Variants in DNAJB1 observed in about 807,000 individuals in gnomAD.
The protein encoded by DNAJB1 is dnaJ homolog subfamily B member 1.
Under a neutral mutation model 24.0 loss-of-function variants are expected in DNAJB1, and 14 were observed. The observed-to-expected ratio is 0.58, with a 90% confidence interval of 0.39 to 0.91. The LOEUF (loss-of-function observed/expected upper bound fraction) is 0.91, where lower values mean the gene tolerates loss of function less well. Among genes scored for constraint, DNAJB1 ranks in the 40% least tolerant of loss-of-function variants. The pLI is 0.00. For synonymous variants in DNAJB1, 262 were observed against 174.4 expected, an observed-to-expected ratio of 1.50 and a Z score of -3.96; for missense variants, 517 against 458.1, an observed-to-expected ratio of 1.13 and a Z score of -1.17.
chr19:14,550,463 T>TC (rs1473751135), upstream of DNAJB1, among the ~76,000 whole-genome samples: 1 of 152,102 alleles, frequency 6.6e-6, no homozygotes, highest in African/African-American at 2.4e-5. Flanking sequence ...TCTGCAGGGC[T>TC]CAGCCTCTGG....
upstream of DNAJB1, chr19:14,518,486 C>CT: frequency 1.6e-6 from 1 of 627,732 alleles, no homozygotes; most frequent in African/African-American, 2.1e-5. Flanking sequence ...GCCCCGCCCG[C>CT]CCCCGCGGCG....
At chr19:14,549,988 C>T (rs1386581085) in intron 1 of DNAJB1, among the ~76,000 whole-genome samples, 2 of 151,836 alleles carry the variant, frequency 1.3e-5, no homozygotes, top group African/African-American at 2.4e-5. Flanking sequence ...CCCCCTTCAA[C>T]TGCCACTCCC....
intron 2 of DNAJB1, among the ~76,000 whole-genome samples, chr19:14,524,964 G>A (rs749848143): frequency 4.6e-5 from 7 of 151,964 alleles, no homozygotes; most frequent in Non-Finnish European, 8.8e-5. Flanking sequence ...GGCTGGGTGC[G>A]GTGGCTCATG....
upstream of DNAJB1, among the ~76,000 whole-genome samples, chr19:14,551,444 A>G (rs994918088): frequency 4.6e-5 from 7 of 152,138 alleles, no homozygotes; most frequent in Non-Finnish European, 1.0e-4. Context: ...CCTAATTCCT[A>G]AGCAGTCCCT....
Position 14,515,796 on chromosome 19 carries a change from T to A in DNAJB1, c.*144A>T. 1 of 754,562 alleles carries A rather than the reference T, an allele frequency of 1.3e-6. No individual in the cohort carries two copies. Among genetic ancestry groups the A allele is most frequent in the Non-Finnish European group, 2.2e-6 (1 of 463,732 alleles). The allele number at this position is 754,562 out of a possible 1,614,324, so 46.7% of individuals were successfully genotyped here. A position where few individuals can be genotyped will look rare whatever the true frequency, so the allele number is the denominator to read the frequency against. The stretch of plus-strand genomic sequence containing the variant: ...TCTAGTGTGCGACTTTGAAAGATTG[T>A]AATATATGCTCTGGAAAACATTCAG... On this transcript the variant is annotated 3_prime_UTR_variant, in exon 3 of 3. Coordinates refer to ENST00000254322, the MANE Select transcript of DNAJB1 (RefSeq NM_006145.3).
chr19:14,551,766 C>T (rs902294211), upstream of DNAJB1, among the ~76,000 whole-genome samples: 2 of 152,016 alleles, frequency 1.3e-5, no homozygotes, highest in African/African-American at 4.8e-5. Flanking sequence ...CAGAGAGGCT[C>T]AGTTCTTGGT....
At chr19:14,543,419 AT>A (rs1169742953) in intron 1 of DNAJB1, among the ~76,000 whole-genome samples, 6 of 21,880 alleles carry the variant, frequency 2.7e-4, no homozygotes, top group African/African-American at 9.8e-4. Context: ...ATATATATAT[AT>A]TTTTTTTTTT....
chr19:14,549,002 A>G (rs1417566361), intron 1 of DNAJB1, among the ~76,000 whole-genome samples: 1 of 143,726 alleles, frequency 7.0e-6, no homozygotes, highest in Non-Finnish European at 1.5e-5. Flanking sequence ...CATATCATGA[A>G]ATAGGTTTCT....
In DNAJB1 at chr19:14,516,916, G is replaced by A. The variant is rs772447073; in HGVS notation, c.342C>T (p.Thr114=). The A allele has an allele frequency of 6.8e-5, 110 of 1,613,906 alleles. No individual in the cohort carries two copies. Among genetic ancestry groups the A allele is most frequent in the Non-Finnish European group, 9.2e-5 (108 of 1,180,028 alleles). The part of the protein sequence containing the change: ...EFFGGRNPFD[T]FFGQRNGEEG... ...CCTCCCCGTTCCGCTGCCCAAAAAA[G>A]GTGTCAAAGGGATTTCTGCCACCGA... The change falls in exon 2 of 3, where the codon ACC becomes ACT. Residue 114 remains threonine, a synonymous_variant. Transcript: ENST00000254322.
upstream of DNAJB1, chr19:14,529,737 G>A: frequency 6.2e-7 from 1 of 1,614,010 alleles, no homozygotes; most frequent in Non-Finnish European, 8.5e-7. Flanking sequence ...CAGGGGCCGT[G>A]TGGCCACTGC....
upstream of DNAJB1, among the ~76,000 whole-genome samples, chr19:14,519,656 G>A (rs1052367754): frequency 2.0e-5 from 3 of 152,146 alleles, no homozygotes; most frequent in Admixed American, 6.5e-5. Flanking sequence ...CTGGGCAGGG[G>A]CCAGGTCCTG....
At chr19:14,553,224 C>T (rs979275820), upstream of DNAJB1, among the ~76,000 whole-genome samples, 11 of 152,282 alleles carry the variant, frequency 7.2e-5, no homozygotes, top group Admixed American at 2.6e-4. Flanking sequence ...ACAGCAGCTC[C>T]AGCTTCTCCG....
intron 1 of DNAJB1, among the ~76,000 whole-genome samples, chr19:14,535,570 A>ATG (rs1568396610): frequency 4.9e-5 from 1 of 20,466 alleles, no homozygotes; most frequent in East Asian, 8.5e-4. Flanking sequence ...ATATATATAT[A>ATG]TATATATATA....
rs201552567 is a variant in DNAJB1, at chr19:14,518,319, G to A, written c.31C>T (p.Leu11=). 2.5e-6 allele frequency: 4 copies of A among 1,604,098 alleles called. No individual in the cohort carries two copies. In the African/African-American group the frequency reaches 4.0e-5, roughly 16 times the overall value. The change falls in exon 1 of 3, where the codon CTG becomes TTG. Residue 11 remains leucine (L), a synonymous_variant. Coordinates refer to ENST00000254322, the MANE Select transcript of DNAJB1 (RefSeq NM_006145.3). ...TCCTCGTCCGACGCGCCGCGGGCCA[G>A]GCCCAACGTCTGGTAGTAGTCTTTA... MGKDYYQTLG[L]ARGASDEEIK...
upstream of DNAJB1, chr19:14,529,382 G>C (rs1476806457): frequency 7.4e-6 from 4 of 543,318 alleles, no homozygotes; most frequent in Non-Finnish European, 1.3e-5. Flanking sequence ...CCTTTGGATT[G>C]GTGGATGGTC....
At chr19:14,529,629 G>A (rs754981703), upstream of DNAJB1, 22 of 1,612,408 alleles carry the variant, frequency 1.4e-5, no homozygotes, top group African/African-American at 2.7e-5. Context: ...GCGCTGTAGG[G>A]AGCCTGTGCT....
upstream of DNAJB1, among the ~76,000 whole-genome samples, chr19:14,550,812 C>T (rs193196953): frequency 6.6e-6 from 1 of 152,108 alleles, no homozygotes; most frequent in East Asian, 1.9e-4. Flanking sequence ...TCCCCCGTAG[C>T]TGGGACTACA....
chr19:14,550,520 GGA>G (rs938099177), upstream of DNAJB1, among the ~76,000 whole-genome samples: 1 of 152,092 alleles, frequency 6.6e-6, no homozygotes, highest in African/African-American at 2.4e-5. Context: ...GCCCTGAGTT[GGA>G]GAGAGACCCA....
chr19:14,528,486 C>G (rs922587718), intron 1 of DNAJB1, among the ~76,000 whole-genome samples: 11 of 151,012 alleles, frequency 7.3e-5, no homozygotes, highest in Non-Finnish European at 1.5e-4. Flanking sequence ...GATCTGCCCC[C>G]CTCGGCCTCC....
Sources: allele counts gnomAD v4.1 joint callset (sites outside exome capture counted in the v4.1 genomes callset), GRCh38; gene constraint gnomAD v4.1.1; transcripts MANE v1.5; gene names NCBI Gene and HGNC (gene_info 2026-07-23, HGNC 2026-07-21).